The following LIMS1 variants were observed in gnomAD, a reference collection of about 807,000 sequenced individuals.
LIMS1 encodes the protein LIM and senescent cell antigen-like-containing domain protein 1.
A neutral mutation model predicts 44.1 loss-of-function variants in LIMS1; 18 were observed. The observed-to-expected ratio is 0.41, with a 90% CI of 0.28 to 0.61. The LOEUF (loss-of-function observed/expected upper bound fraction) is 0.61, where lower values mean the gene tolerates loss of function less well. Among genes scored for constraint, LIMS1 ranks in the 20% least tolerant of loss-of-function variants. The probability of loss-of-function intolerance (pLI) is 0.32; values close to 1 mark genes in which losing one functional copy is unlikely to be tolerated. For synonymous variants in LIMS1, 93 were observed against 149.1 expected (o/e 0.62, Z 2.74); for missense variants, 201 against 422.0 (o/e 0.48, Z 4.59).
At chr2:108,607,734 T>C (rs543917495) in intron 1 of LIMS1, among the ~76,000 whole-genome samples, 40 of 152,214 alleles carry the variant, frequency 2.6e-4, no homozygotes, top group Non-Finnish European at 4.6e-4. Flanking sequence ...CCTAGCATAA[T>C]GTTTTATGTC....
intron 1 of LIMS1, chr2:108,621,409 CG>C: frequency 6.4e-7 from 1 of 1,551,130 alleles, no homozygotes; most frequent in East Asian, 2.4e-5. Flanking sequence ...CAGGAGAAGA[CG>C]AGATCGCCCC....
chr2:108,621,676 T>G (rs1047173494), intron 1 of LIMS1, among the ~76,000 whole-genome samples: 2 of 152,172 alleles, frequency 1.3e-5, no homozygotes, highest in Non-Finnish European at 2.9e-5. Context: ...ATCCTTTAAG[T>G]TGTTTTACCC....
At chr2:108,571,911 A>G (rs552296373) in intron 1 of LIMS1, among the ~76,000 whole-genome samples, 4 of 152,326 alleles carry the variant, frequency 2.6e-5, no homozygotes, top group South Asian at 2.1e-4. Flanking sequence ...CCAGAGCTCA[A>G]CTGGACCTGA....
intron 1 of LIMS1, among the ~76,000 whole-genome samples, chr2:108,625,201 G>C (rs1688491596): frequency 6.6e-6 from 1 of 152,134 alleles, no homozygotes; most frequent in South Asian, 2.1e-4. Context: ...TTGAATGGTT[G>C]AAAAAATAAT....
intron 1 of LIMS1, among the ~76,000 whole-genome samples, chr2:108,567,058 T>C (rs1685316452): frequency 6.6e-6 from 1 of 152,224 alleles, no homozygotes; most frequent in East Asian, 1.9e-4. Flanking sequence ...ACTGTTCTAC[T>C]TTCAATGTCT....
Position 108,675,858 on chromosome 2 carries a change from T to G in LIMS1, c.531-20T>G, listed in dbSNP as rs376272053. 5.9e-5 allele frequency: 95 copies of G among 1,613,916 alleles called. No individual in the cohort carries two copies. Among genetic ancestry groups the G allele is most frequent in the African/African-American group, 1.6e-4 (12 of 75,032 alleles). On this transcript the variant is annotated intron_variant, in intron 5 of 9. Coordinates refer to ENST00000544547, the Ensembl canonical transcript of LIMS1. Reference sequence around the variant, plus strand: ...ACTTTTCTCTCTTAGTATTAAGCTGTGTGTCTTTCTCACGGACAGGAAGGA... The same window carrying G: ...ACTTTTCTCTCTTAGTATTAAGCTGGGTGTCTTTCTCACGGACAGGAAGGA...
At chr2:108,562,565 G>T (rs552008776) in intron 1 of LIMS1, among the ~76,000 whole-genome samples, 6 of 152,160 alleles carry the variant, frequency 3.9e-5, no homozygotes, top group Non-Finnish European at 7.3e-5. Context: ...TCCAAAGCAA[G>T]GCCCTAACTC....
At chr2:108,607,024 T>G (rs1687306921) in intron 1 of LIMS1, 2 of 586,482 alleles carry the variant, frequency 3.4e-6, no homozygotes, top group Admixed American at 3.1e-5. Flanking sequence ...ATGTTGAACT[T>G]CTAACCCCAA....
At chr2:108,564,818 A>G (rs1685241889) in intron 1 of LIMS1, among the ~76,000 whole-genome samples, 1 of 151,980 alleles carries the variant, frequency 6.6e-6, no homozygotes, top group African/African-American at 2.4e-5. Context: ...AGGGAAAGAC[A>G]ACACTGTAAA....
At chr2:108,637,107 G>A (rs941186412) in intron 1 of LIMS1, among the ~76,000 whole-genome samples, 1 of 143,740 alleles carries the variant, frequency 7.0e-6, no homozygotes, top group African/African-American at 2.5e-5. Flanking sequence ...ATATGTGTGT[G>A]TGTGTGTGTG....
intron 2 of LIMS1, among the ~76,000 whole-genome samples, chr2:108,661,841 A>G (rs1454748995): frequency 6.6e-6 from 1 of 152,142 alleles, no homozygotes; most frequent in Non-Finnish European, 1.5e-5. Context: ...TGGAGAGAGC[A>G]TGGTCTTCTC....
chr2:108,662,150 G>A (rs1177133716), intron 2 of LIMS1: 1 of 1,611,522 alleles, frequency 6.2e-7, no homozygotes, highest in Non-Finnish European at 8.5e-7. Context: ...TTATATCCCT[G>A]GCTTGCTCTT....
chr2:108,607,176 G>GCAC, intron 1 of LIMS1: 1 of 1,549,016 alleles, frequency 6.5e-7, no homozygotes, highest in South Asian at 1.2e-5. Context: ...CACAGTGAGA[G>GCAC]GGTGCCATCT....
At chr2:108,611,601 T>C (rs1273522047) in intron 1 of LIMS1, among the ~76,000 whole-genome samples, 1 of 152,080 alleles carries the variant, frequency 6.6e-6, no homozygotes, top group Non-Finnish European at 1.5e-5. Context: ...GGCTCTAGGC[T>C]GGGTGCAGTA....
At position 108,680,690 on chromosome 2, in the gene LIMS1, T is replaced by A. The variant is rs1275250435; in HGVS notation, c.824-5T>A. ...TGTGACCAGATCTCTTTCCTCTTTC[T>A]CCAGTGGTCTCTGCTCTTAATAAGG... is the stretch of plus-strand genomic sequence containing the variant. On this transcript the variant is annotated splice_polypyrimidine_tract_variant and splice_region_variant and intron_variant, in intron 8 of 9. Transcript: ENST00000544547. 2 of 1,609,344 alleles carry A rather than the reference T, an allele frequency of 1.2e-6. No homozygotes were observed. Among genetic ancestry groups the A allele is most frequent in the Non-Finnish European group, 1.7e-6 (2 of 1,178,822 alleles).
At chr2:108,681,281 G>A (rs1369926082) in intron 9 of LIMS1, 1 of 985,178 alleles carries the variant, frequency 1.0e-6, no homozygotes, top group Non-Finnish European at 1.2e-6. Context: ...GTCCTATGTA[G>A]AACTGGTCCT....
intron 1 of LIMS1, among the ~76,000 whole-genome samples, chr2:108,562,900 C>T (rs1685172419): frequency 6.6e-6 from 1 of 152,208 alleles, no homozygotes; most frequent in Non-Finnish European, 1.5e-5. Flanking sequence ...GGCAGGTTGA[C>T]TCTCTTGTTA....
intron 5 of LIMS1, among the ~76,000 whole-genome samples, chr2:108,675,338 G>A (rs974575912): frequency 2.8e-4 from 42 of 152,034 alleles, no homozygotes; most frequent in Admixed American, 1.2e-3. Context: ...AGGGGGGAAG[G>A]AAGAGAAGGA....
At chr2:108,622,508 G>A (rs1467631664) in intron 1 of LIMS1, among the ~76,000 whole-genome samples, 2 of 152,156 alleles carry the variant, frequency 1.3e-5, no homozygotes, top group Non-Finnish European at 1.5e-5. Context: ...GAAGAGGGTA[G>A]CATTAAAGGA....
Sources: gnomAD v4.1 joint callset for allele counts (sites outside exome capture counted in the v4.1 genomes callset) on GRCh38, gnomAD v4.1.1 for gene constraint, MANE v1.5 for transcripts, NCBI Gene and HGNC (gene_info 2026-07-23, HGNC 2026-07-21) for gene names.